CACNA2D2: variants seen among roughly 807,000 people sequenced by gnomAD.
CACNA2D2 encodes calcium voltage-gated channel auxiliary subunit alpha2delta 2, also known as voltage-dependent calcium channel subunit alpha-2/delta-2.
Under a neutral mutation model 166.4 loss-of-function variants are expected in CACNA2D2, and 48 were observed. That is an observed-to-expected ratio of 0.29 (90% CI 0.23 to 0.37). The LOEUF (loss-of-function observed/expected upper bound fraction) is 0.37, where lower values mean the gene tolerates loss of function less well. CACNA2D2 is among the 10% of genes least tolerant of loss of function. The pLI is 1.00. For synonymous variants in CACNA2D2, 561 were observed against 573.7 expected (o/e 0.98, Z 0.32); for missense variants, 1,122 against 1,433.0 (o/e 0.78, Z 3.50).
At chr3:50,424,695 C>G (rs1050190895) in intron 3 of CACNA2D2, among the ~76,000 whole-genome samples, 1 of 152,190 alleles carries the variant, frequency 6.6e-6, no homozygotes, top group Non-Finnish European at 1.5e-5. Flanking sequence ...GATGCCAGCA[C>G]ACAGCAAGGG....
At chr3:50,454,639 GA>G (rs1053260091) in intron 2 of CACNA2D2, among the ~76,000 whole-genome samples, 2 of 152,102 alleles carry the variant, frequency 1.3e-5, no homozygotes, top group Non-Finnish European at 2.9e-5. Flanking sequence ...TTAGAGACTG[GA>G]AAAAATAAGG....
chr3:50,365,605 G>C lies in CACNA2D2; in HGVS notation c.2971+28C>G, dbSNP rs111907935. 6 of 1,572,940 alleles carry C rather than the reference G, an allele frequency of 3.8e-6. No individual in the cohort carries two copies. The highest frequency in any genetic ancestry group is 5.2e-6 in the Non-Finnish European group (6 of 1,158,810). ...TAGCTCAGATTGGGGACCCGGACTTGAGGAGGCGCCTCCAAAGCCCTACCT... is the reference window on the plus strand; with the variant it reads ...TAGCTCAGATTGGGGACCCGGACTTCAGGAGGCGCCTCCAAAGCCCTACCT... On this transcript the variant is annotated intron_variant, in intron 34 of 37. Coordinates refer to ENST00000424201, the MANE Select transcript of CACNA2D2 (RefSeq NM_006030.4). The surrounding 1 kb of genome is among the most constrained non-coding windows in gnomAD (Gnocchi z 4.5).
chr3:50,503,237 T>C lies in CACNA2D2; in HGVS notation c.187A>G (p.Ser63Gly). ...LLAAPGASAY[S>G]FPQQHTMQHW... The stretch of plus-strand genomic sequence containing the variant: ...ACTTACGTGTGCTGCTGGGGGAAGC[T>C]GTAGGCAGAGGCGCCGGGGGCGGCG... Residue 63 changes from serine to glycine, a missense_variant, in exon 1 of 38, where the codon AGC (serine) becomes GGC (glycine). Ser to Gly is a moderately conservative substitution (Grantham distance 56). Coordinates refer to ENST00000424201, the MANE Select transcript of CACNA2D2 (RefSeq NM_006030.4). The C allele has an allele frequency of 8.4e-7, 1 of 1,194,446 alleles. No individual in the cohort carries two copies. The highest frequency in any genetic ancestry group is 1.0e-6 in the Non-Finnish European group (1 of 963,276). 74.0% of individuals were successfully genotyped at this position (1,194,446 alleles called of 1,614,324 possible).
chr3:50,473,037 C>G (rs1710163763), intron 2 of CACNA2D2, among the ~76,000 whole-genome samples: 1 of 152,076 alleles, frequency 6.6e-6, no homozygotes, highest in Non-Finnish European at 1.5e-5. Context: ...GGCTGGGGAA[C>G]CCAGGAGGAT....
intron 3 of CACNA2D2, among the ~76,000 whole-genome samples, chr3:50,413,178 G>A (rs890038804): frequency 3.9e-5 from 6 of 152,156 alleles, no homozygotes; most frequent in Admixed American, 6.5e-5. Flanking sequence ...GTTGGGGTAG[G>A]GGGGTGGTGG....
intron 4 of CACNA2D2, among the ~76,000 whole-genome samples, chr3:50,388,733 G>GA (rs1176937346): frequency 1.3e-5 from 2 of 152,246 alleles, no homozygotes; most frequent in Non-Finnish European, 2.9e-5. Context: ...CAGGACTCTG[G>GA]AAAGGGGCCT....
At chr3:50,453,737 C>G (rs1709213047) in intron 2 of CACNA2D2, among the ~76,000 whole-genome samples, 1 of 152,188 alleles carries the variant, frequency 6.6e-6, no homozygotes, top group South Asian at 2.1e-4. Context: ...GCTCTGGGAG[C>G]TTGGCGAGAC....
intron 22 of CACNA2D2, among the ~76,000 whole-genome samples, chr3:50,373,884 A>C (rs1185872394): frequency 1.4e-5 from 1 of 69,166 alleles, no homozygotes; most frequent in African/African-American, 6.8e-5. Context: ...AGAGAGAGAG[A>C]GAGGCACCAT....
At chr3:50,391,211 T>A (rs1705870181) in intron 4 of CACNA2D2, among the ~76,000 whole-genome samples, 1 of 152,214 alleles carries the variant, frequency 6.6e-6, no homozygotes, top group Non-Finnish European at 1.5e-5. Context: ...AGGGCAGGGC[T>A]GTGTCCTTCC....
rs1012868449 is a variant in CACNA2D2, at chr3:50,362,883, C to T, written c.*1783G>A. On this transcript the variant is annotated 3_prime_UTR_variant, in exon 38 of 38. Coordinates refer to ENST00000424201, the MANE Select transcript of CACNA2D2 (RefSeq NM_006030.4). ...AATATTTTACAAGGAATCACACACA[C>T]GATATTTTACAAAGTTTCTTGACTT... is the stretch of plus-strand genomic sequence containing the variant. The T allele has an allele frequency of 4.5e-5, 17 of 381,076 alleles. No individual in the cohort carries two copies. The highest frequency in any genetic ancestry group is 6.5e-5 in the Non-Finnish European group (14 of 216,146). The allele number at this position is 381,076 out of a possible 1,614,324, so 23.6% of individuals were successfully genotyped here.
intron 2 of CACNA2D2, among the ~76,000 whole-genome samples, chr3:50,463,509 G>C (rs1338413175): frequency 6.6e-6 from 1 of 152,198 alleles, no homozygotes; most frequent in Non-Finnish European, 1.5e-5. Context: ...TGTTGTTCAG[G>C]CTGGTCTCCC....
chr3:50,488,417 A>G (rs1698379581), intron 1 of CACNA2D2, among the ~76,000 whole-genome samples: 1 of 152,054 alleles, frequency 6.6e-6, no homozygotes, highest in Admixed American at 6.5e-5. Context: ...ACCAGTACCC[A>G]TCACAACTGG....
intron 3 of CACNA2D2, among the ~76,000 whole-genome samples, chr3:50,394,814 G>A (rs1706065557): frequency 6.6e-6 from 1 of 152,276 alleles, no homozygotes; most frequent in South Asian, 2.1e-4. Context: ...GGCACGCTGG[G>A]TGCCAGACTG....
At chr3:50,370,913 C>T (rs1704626509) in intron 22 of CACNA2D2, among the ~76,000 whole-genome samples, 1 of 152,084 alleles carries the variant, frequency 6.6e-6, no homozygotes. Context: ...TTTGGTAGGT[C>T]TTGCTTTTGT....
intron 2 of CACNA2D2, among the ~76,000 whole-genome samples, chr3:50,456,831 G>A (rs1461190455): frequency 6.6e-6 from 1 of 152,216 alleles, no homozygotes; most frequent in Non-Finnish European, 1.5e-5. Context: ...GGTCAGAGGA[G>A]GCAGAGCAGA....
intron 3 of CACNA2D2, among the ~76,000 whole-genome samples, chr3:50,410,775 G>A (rs983921727): frequency 2.0e-5 from 3 of 152,252 alleles, no homozygotes; most frequent in Non-Finnish European, 4.4e-5. Flanking sequence ...GATGTCAGAG[G>A]TCTGTGGCTT....
chr3:50,493,604 A>G (rs1698604854), intron 1 of CACNA2D2, among the ~76,000 whole-genome samples: 2 of 152,194 alleles, frequency 1.3e-5, no homozygotes, highest in Non-Finnish European at 2.9e-5. Flanking sequence ...GCTCCCTGTC[A>G]GGGGATAAAG....
chr3:50,417,840 C>T (rs534599980), intron 3 of CACNA2D2, among the ~76,000 whole-genome samples: 15 of 152,284 alleles, frequency 9.9e-5, no homozygotes, highest in South Asian at 6.2e-4. Flanking sequence ...AGGACCAGGC[C>T]GACCTGTCGC....
rs1248861430 is a variant in CACNA2D2, at chr3:50,379,242, T to C, written c.1153-43A>G. The C allele has an allele frequency of 1.3e-6, 2 of 1,550,846 alleles. No homozygotes were observed. The highest frequency in any genetic ancestry group is 2.7e-5 in the African/African-American group (2 of 73,646). On this transcript the variant is annotated intron_variant, in intron 11 of 37. Transcript: ENST00000424201. This position sits in a 1 kb window ranked among gnomAD's most constrained non-coding sequence, Gnocchi z 6.5. ...GAGGCAGGCAGCTCTCAGCCCTCCCTGGTCCAGGGGCAGGGCCTCCCTCCC... is the reference window on the plus strand; with the variant it reads ...GAGGCAGGCAGCTCTCAGCCCTCCCCGGTCCAGGGGCAGGGCCTCCCTCCC...
Sources: gnomAD v4.1 joint callset for allele counts (sites outside exome capture counted in the v4.1 genomes callset) on GRCh38, gnomAD v4.1.1 for gene constraint, Gnocchi (gnomAD v3.1) non-coding constraint, MANE v1.5 for transcripts, NCBI Gene and HGNC (gene_info 2026-07-23, HGNC 2026-07-21) for gene names.